MYO1B: variants seen among roughly 807,000 people sequenced by gnomAD.
The protein encoded by MYO1B is myosin IB, also known as unconventional myosin-Ib.
A neutral mutation model predicts 159.7 loss-of-function variants in MYO1B; 72 were observed. The observed-to-expected ratio is 0.45, with a 90% CI of 0.37 to 0.55. The LOEUF (loss-of-function observed/expected upper bound fraction) is 0.55, where lower values mean the gene tolerates loss of function less well. MYO1B is among the 20% of genes least tolerant of loss of function. The pLI is 0.00. For synonymous variants in MYO1B, 468 were observed against 473.8 expected (o/e 0.99, Z 0.16); for missense variants, 1,062 against 1,364.8 (o/e 0.78, Z 3.50).
chr2:191,344,576 A>G (rs1574473315), intron 5 of MYO1B, among the ~76,000 whole-genome samples: 1 of 152,146 alleles, frequency 6.6e-6, no homozygotes, highest in South Asian at 2.1e-4. Context: ...CACGCCTGTA[A>G]TCCCAGCACT....
intron 24 of MYO1B, among the ~76,000 whole-genome samples, chr2:191,404,805 C>G (rs761019469): frequency 5.3e-5 from 8 of 152,168 alleles, no homozygotes; most frequent in Non-Finnish European, 7.4e-5. Context: ...AAATGCTAAC[C>G]ATCATCTGAG....
At chr2:191,343,178 C>G (rs541374598) in intron 5 of MYO1B, among the ~76,000 whole-genome samples, 1 of 152,290 alleles carries the variant, frequency 6.6e-6, no homozygotes, top group Admixed American at 6.5e-5. Flanking sequence ...TGATTAGAAT[C>G]TCTAGGCTAG....
At position 191,327,277 on chromosome 2, in the gene MYO1B, C is replaced by G. The variant is rs899714752; in HGVS notation, c.252-2658C>G. Among the ~76,000 whole-genome samples, 5 of 152,138 alleles carry G rather than the reference C, an allele frequency of 3.3e-5. No individual in the cohort carries two copies. In the East Asian group the frequency reaches 9.6e-4, roughly 29 times the overall value. ...TTGGTTACATTTCATGTTTATGTCT[C>G]TGTGGCATAAACATGGCATAAAGAT... On this transcript the variant is annotated intron_variant, in intron 3 of 30. Transcript: ENST00000392318.
rs1231908208 is a variant in MYO1B at position 191,398,429 on chromosome 2, C to A, written c.2295+1932C>A. Among the ~76,000 whole-genome samples, 19 of 145,822 alleles carry A rather than the reference C, an allele frequency of 1.3e-4. 1 individual carries two copies. The highest frequency in any genetic ancestry group is 4.0e-4 in the Admixed American group (6 of 14,844). On this transcript the variant is annotated intron_variant, in intron 21 of 30. Coordinates refer to ENST00000392318, the MANE Select transcript of MYO1B (RefSeq NM_001130158.3). ...CTGGCCGGGCGGGGGGCTGACCCCC[C>A]CCCACCTCCCTCCCGGACGGAGACG...
chr2:191,424,060 G>GAACTCTAAAA lies in MYO1B; in HGVS notation c.*100_*101insAACTCTAAAA. On this transcript the variant is annotated 3_prime_UTR_variant, in exon 31 of 31. Coordinates refer to ENST00000392318, the MANE Select transcript of MYO1B (RefSeq NM_001130158.3). ...CATTGTATGTTTGGGAATCACCAAA[G>GAACTCTAAAA]GCTTTTAGAGTTCTTTGGCAAAATA... The GAACTCTAAAA allele has an allele frequency of 7.5e-7, 1 of 1,334,476 alleles. No individual in the cohort carries two copies. Among genetic ancestry groups the GAACTCTAAAA allele is most frequent in the Non-Finnish European group, 1.0e-6 (1 of 979,750 alleles). 82.7% of individuals were successfully genotyped at this position (1,334,476 alleles called of 1,614,324 possible).
chr2:191,330,041 A>C lies in MYO1B; in HGVS notation c.346+12A>C, dbSNP rs940962114. 10 of 1,606,926 alleles carry C rather than the reference A, an allele frequency of 6.2e-6. No homozygotes were observed. In the Admixed American group the frequency reaches 1.0e-4, roughly 16 times the overall value. ...AGCAGGAAAAACAGGTAAGGCTCCT[A>C]CCAAGCAACTCTGCAGAAGGTAAAT... On this transcript the variant is annotated intron_variant, in intron 4 of 30. Transcript: ENST00000392318.
In MYO1B at chr2:191,366,029, A is replaced by G. The variant is rs890569595; in HGVS notation, c.1032+1753A>G. ...GAATTTGCATTTCTAATAAATTCAA[A>G]GGTGACACTGCTGCTGCTGCTGCTG... On this transcript the variant is annotated intron_variant, in intron 11 of 30. Transcript: ENST00000392318. Among the ~76,000 whole-genome samples, 2 of 152,202 alleles carry G rather than the reference A, an allele frequency of 1.3e-5. 1 individual carries two copies. The highest frequency in any genetic ancestry group is 3.9e-4 in the East Asian group (2 of 5,194).
intron 3 of MYO1B, among the ~76,000 whole-genome samples, chr2:191,308,840 A>G (rs1689811884): frequency 6.6e-6 from 1 of 152,306 alleles, no homozygotes; most frequent in South Asian, 2.1e-4. Context: ...ATTTGACAAC[A>G]TGACCAGCTC....
intron 26 of MYO1B, 50 bp from the exon 27 acceptor site, chr2:191,411,016 A>T (rs758532812): frequency 3.3e-5 from 35 of 1,062,000 alleles, no homozygotes; most frequent in Non-Finnish European, 4.6e-5. Flanking sequence ...AATGAGTAAT[A>T]ATTTATTTAT....
chr2:191,392,470 T>A (rs1695815186), intron 19 of MYO1B, among the ~76,000 whole-genome samples: 2 of 152,180 alleles, frequency 1.3e-5, no homozygotes, highest in Admixed American at 1.3e-4. Context: ...AGGACAACGG[T>A]GCAACATTCA....
Position 191,425,132 on chromosome 2 carries a change from A to G in MYO1B, c.*1172A>G, listed in dbSNP as rs971249163. ...AATGTATATACATTGGTATTATGTT[A>G]AATAATAAAATTGTTCTAATTTGGT... is the stretch of plus-strand genomic sequence containing the variant. On this transcript the variant is annotated 3_prime_UTR_variant, in exon 31 of 31. Transcript: ENST00000392318. 6.6e-6 allele frequency: 1 copy of G among 151,904 alleles called. No homozygotes were observed. Among genetic ancestry groups the G allele is most frequent in the African/African-American group, 2.4e-5 (1 of 41,384 alleles). The allele number at this position is 151,904 out of a possible 1,614,324, so 9.4% of individuals were successfully genotyped here.
intron 3 of MYO1B, among the ~76,000 whole-genome samples, chr2:191,309,986 A>C (rs1050841981): frequency 2.6e-5 from 4 of 152,204 alleles, no homozygotes; most frequent in African/African-American, 9.6e-5. Flanking sequence ...TGAGTGAATG[A>C]ATGAATAGAT....
chr2:191,362,405 G>A, intron 9 of MYO1B, 34 bp downstream of exon 9: 1 of 1,479,998 alleles, frequency 6.8e-7, no homozygotes, highest in Non-Finnish European at 9.4e-7. Context: ...GCTTTAAATT[G>A]CATACCACTG....
chr2:191,387,144 A>G, intron 16 of MYO1B, 80 bp from the exon 17 acceptor site: 1 of 1,363,936 alleles, frequency 7.3e-7, no homozygotes, highest in East Asian at 2.3e-5. Flanking sequence ...CAATGTAGAT[A>G]GTCTTGGAGT....
intron 2 of MYO1B, among the ~76,000 whole-genome samples, chr2:191,278,269 A>G (rs1165814801): frequency 6.6e-6 from 1 of 152,350 alleles, no homozygotes. Context: ...GTGTCCTCAC[A>G]TGGTGGAAGA....
intron 3 of MYO1B, among the ~76,000 whole-genome samples, chr2:191,317,293 A>G (rs1321757470): frequency 1.3e-5 from 2 of 152,172 alleles, no homozygotes; most frequent in Non-Finnish European, 2.9e-5. Flanking sequence ...GACCTAGAGA[A>G]CTGACCAACA....
chr2:191,336,063 AG>A (rs1243517972), intron 4 of MYO1B, among the ~76,000 whole-genome samples: 1 of 152,172 alleles, frequency 6.6e-6, no homozygotes, highest in Non-Finnish European at 1.5e-5. Context: ...TGATGGGGGC[AG>A]GGGGGCAGAA....
At chr2:191,267,655 T>A (rs983224149) in intron 1 of MYO1B, among the ~76,000 whole-genome samples, 1 of 152,208 alleles carries the variant, frequency 6.6e-6, no homozygotes, top group African/African-American at 2.4e-5. Context: ...CTCCAATGCT[T>A]TAGGGAGCCC....
chr2:191,387,652 G>A, intron 17 of MYO1B: 1 of 604,962 alleles, frequency 1.7e-6, no homozygotes, highest in East Asian at 2.8e-5. Flanking sequence ...AAAAAGTAAA[G>A]TGTGGTGGAG....
Sources: gnomAD v4.1 joint callset for allele counts (sites outside exome capture counted in the v4.1 genomes callset) on GRCh38, gnomAD v4.1.1 for gene constraint, MANE v1.5 for transcripts, NCBI Gene and HGNC (gene_info 2026-07-23, HGNC 2026-07-21) for gene names.